FOXP1: variants seen among roughly 807,000 people sequenced by gnomAD.
The protein encoded by FOXP1 is forkhead box P1.
Under a neutral mutation model 98.2 loss-of-function variants are expected in FOXP1, and 15 were observed. The observed-to-expected ratio is 0.15, with a 90% CI of 0.10 to 0.24. FOXP1 has a LOEUF of 0.24. Ranked by LOEUF, FOXP1 falls within the 10% of genes least tolerant of loss-of-function variation. The pLI, the probability that FOXP1 is intolerant of heterozygous loss-of-function variation, is 1.00. For missense variants in FOXP1, 633 were observed against 848.5 expected (o/e 0.75, Z 3.15); for synonymous variants, 371 against 314.5 (o/e 1.18, Z -1.90).
In FOXP1 at chr3:71,563,065, T is replaced by C. The variant is rs1052696739; in HGVS notation, c.-298+18484A>G. Among the ~76,000 whole-genome samples, 44 of 152,154 alleles carry C rather than the reference T, an allele frequency of 2.9e-4. 2 individuals carry two copies. Among genetic ancestry groups the C allele is most frequent in the Non-Finnish European group, 2.9e-5 (2 of 68,028 alleles). On this transcript the variant is annotated intron_variant, in intron 2 of 20. Transcript: ENST00000649528. Reference sequence around the variant, plus strand: ...GATGAATGAGGAGCCAGGCTGGCCATGCAAGGCAAAGTGGGAGCAAACTGC... The same window carrying C: ...GATGAATGAGGAGCCAGGCTGGCCACGCAAGGCAAAGTGGGAGCAAACTGC...
At chr3:71,051,094 A>G (rs71621915) in intron 9 of FOXP1, among the ~76,000 whole-genome samples, 1 of 152,208 alleles carries the variant, frequency 6.6e-6, no homozygotes, top group African/African-American at 2.4e-5. Context: ...AATTAGAAAA[A>G]CAGCCAGCAA....
At chr3:71,500,499 C>T (rs114165589) in intron 2 of FOXP1, among the ~76,000 whole-genome samples, 1,715 of 152,280 alleles carry the variant, frequency 0.011, 35 homozygotes, top group African/African-American at 0.04. Flanking sequence ...GGCTTCAGAA[C>T]ACTCCAGAAT....
intron 4 of FOXP1, among the ~76,000 whole-genome samples, chr3:71,344,917 C>T (rs775559644): frequency 1.3e-5 from 2 of 152,098 alleles, no homozygotes; most frequent in Non-Finnish European, 2.9e-5. Flanking sequence ...TTTCCAGGAA[C>T]ATTACTTAGT....
chr3:71,010,836 C>T lies in FOXP1; in HGVS notation c.974+4713G>A, dbSNP rs534693280. Among the ~76,000 whole-genome samples, 8 of 141,528 alleles carry T rather than the reference C, an allele frequency of 5.7e-5. No homozygotes were observed. The East Asian group carries it at 1.2e-3, about 21-fold the overall frequency. The allele number at this position is 141,528 out of a possible 152,430, so 92.8% of individuals were successfully genotyped here. The stretch of plus-strand genomic sequence containing the variant: ...TCTCTGATGACAATAACCCCCCCTC[C>T]CCCCCCACCCAGTGAGATCATTCAA... On this transcript the variant is annotated intron_variant, in intron 12 of 20. Coordinates refer to ENST00000649528, the MANE Select transcript of FOXP1 (RefSeq NM_001349338.3).
At chr3:71,492,020 C>T (rs2091093888) in intron 3 of FOXP1, among the ~76,000 whole-genome samples, 4 of 152,136 alleles carry the variant, frequency 2.6e-5, no homozygotes, top group Admixed American at 2.6e-4. Context: ...CAGACCAACC[C>T]CAGGGACTTA....
At chr3:71,498,523 G>T (rs1178426143) in intron 2 of FOXP1, among the ~76,000 whole-genome samples, 1 of 152,190 alleles carries the variant, frequency 6.6e-6, no homozygotes, top group African/African-American at 2.4e-5. Context: ...GAACTGCACT[G>T]GGTATTGGCC....
intron 6 of FOXP1, among the ~76,000 whole-genome samples, chr3:71,131,581 G>T (rs940295275): frequency 5.9e-5 from 9 of 152,158 alleles, no homozygotes; most frequent in Non-Finnish European, 1.3e-4. Context: ...CTGTCAGTGG[G>T]ATGTTTACAT....
chr3:71,084,563 G>A (rs1576655773), intron 7 of FOXP1, among the ~76,000 whole-genome samples: 1 of 152,240 alleles, frequency 6.6e-6, no homozygotes, highest in African/African-American at 2.4e-5. Flanking sequence ...ATACATTCTG[G>A]AGAAATACAC....
chr3:71,044,934 C>G (rs1301138402), intron 10 of FOXP1, among the ~76,000 whole-genome samples: 2 of 152,080 alleles, frequency 1.3e-5, no homozygotes, highest in Non-Finnish European at 2.9e-5. Context: ...CTCATAATGA[C>G]ATCAGTTTTA....
At chr3:71,451,938 T>C (rs1431496299) in intron 3 of FOXP1, among the ~76,000 whole-genome samples, 6 of 152,290 alleles carry the variant, frequency 3.9e-5, no homozygotes, top group Admixed American at 3.9e-4. Flanking sequence ...GGGCTAGTAA[T>C]TCTACAGGTA....
Position 71,098,854 on chromosome 3 carries a change from T to C in FOXP1, c.282+13682A>G, listed in dbSNP as rs1284883772. 3.3e-5 allele frequency among the ~76,000 whole-genome samples: 5 copies of C among 152,228 alleles called. No homozygotes were observed. In the East Asian group the frequency reaches 7.7e-4, roughly 23 times the overall value. ...AATTTTTAGAAGACCATGACCCTTATTTGTGCCTAAAGTGACACATTTAGG... is the reference window on the plus strand; with the variant it reads ...AATTTTTAGAAGACCATGACCCTTACTTGTGCCTAAAGTGACACATTTAGG... On this transcript the variant is annotated intron_variant, in intron 7 of 20. Coordinates refer to ENST00000649528, the MANE Select transcript of FOXP1 (RefSeq NM_001349338.3).
At chr3:71,419,812 TTTA>T (rs149068708) in intron 3 of FOXP1, among the ~76,000 whole-genome samples, 2,258 of 152,034 alleles carry the variant, frequency 0.015, 66 homozygotes, top group African/African-American at 0.052. Flanking sequence ...GGTATTTTTT[TTTA>T]TTATTATTAT....
At chr3:71,440,775 G>C (rs898067009) in intron 3 of FOXP1, among the ~76,000 whole-genome samples, 25 of 152,062 alleles carry the variant, frequency 1.6e-4, no homozygotes, top group Non-Finnish European at 3.4e-4. Context: ...TGAGGTGGGA[G>C]GATCACTTGA....
chr3:71,507,319 C>T lies in FOXP1; in HGVS notation c.-297-13764G>A, dbSNP rs572827651. Among the ~76,000 whole-genome samples the T allele has an allele frequency of 2.0e-3, 309 of 152,022 alleles. 1 individual carries two copies. The highest frequency in any genetic ancestry group is 7.2e-3 in the African/African-American group (299 of 41,482). ...TCCCTTCCAAAGAGTAAGGAGTGAA[C>T]AGGAATGCATGCTTTTAACAAAATA... On this transcript the variant is annotated intron_variant, in intron 2 of 20. Transcript: ENST00000649528.
intron 3 of FOXP1, among the ~76,000 whole-genome samples, chr3:71,396,487 C>G (rs2081381819): frequency 6.6e-6 from 1 of 152,072 alleles, no homozygotes; most frequent in Admixed American, 6.6e-5. Context: ...CCCAGGAAGT[C>G]TGAGTCAAAG....
In FOXP1 at chr3:71,532,709, A is replaced by C. The variant is rs942289782; in HGVS notation, c.-297-39154T>G. On this transcript the variant is annotated intron_variant, in intron 2 of 20. Transcript: ENST00000649528. The stretch of plus-strand genomic sequence containing the variant: ...CCCTCTTTTTTTTCTTTTTTTACTA[A>C]ATTTGGCAGGAAAAGCAAAGGGAAG... Among the ~76,000 whole-genome samples the C allele has an allele frequency of 7.4e-4, 112 of 151,990 alleles. 1 individual carries two copies. Among genetic ancestry groups the C allele is most frequent in the Admixed American group, 2.6e-4 (4 of 15,246 alleles).
chr3:71,490,707 A>G (rs2091003122), intron 3 of FOXP1, among the ~76,000 whole-genome samples: 1 of 152,212 alleles, frequency 6.6e-6, no homozygotes, highest in Admixed American at 6.5e-5. Flanking sequence ...TTTTCATTAT[A>G]GTTCTTCAGA....
At chr3:71,193,456 T>C (rs2063120028) in intron 6 of FOXP1, among the ~76,000 whole-genome samples, 1 of 82,822 alleles carries the variant, frequency 1.2e-5, no homozygotes, top group South Asian at 3.5e-4. Context: ...CCGTTATTTG[T>C]TTTTTTTTTT....
chr3:71,264,097 T>A (rs2069418401), intron 5 of FOXP1, among the ~76,000 whole-genome samples: 1 of 152,128 alleles, frequency 6.6e-6, no homozygotes, highest in African/African-American at 2.4e-5. Flanking sequence ...AAAAATCTCA[T>A]TCAGTGAATT....
Sources: allele counts gnomAD v4.1 joint callset (sites outside exome capture counted in the v4.1 genomes callset), GRCh38; gene constraint gnomAD v4.1.1; transcripts MANE v1.5; gene names NCBI Gene and HGNC (gene_info 2026-07-23, HGNC 2026-07-21).